The following SH3TC2 variants were observed in gnomAD, a reference collection of about 807,000 sequenced individuals.
The protein encoded by SH3TC2 is SH3 domain and tetratricopeptide repeat-containing protein 2.
A neutral mutation model predicts 124.5 loss-of-function variants in SH3TC2; 87 were observed. The ratio of observed to expected loss-of-function variants is 0.70; its 90% CI spans 0.59 to 0.84. SH3TC2 has a LOEUF of 0.84. Among genes scored for constraint, SH3TC2 ranks in the 40% least tolerant of loss-of-function variants. The pLI, the probability that SH3TC2 is intolerant of heterozygous loss-of-function variation, is 0.00. For synonymous variants in SH3TC2, 634 were observed against 628.5 expected (o/e 1.01, Z -0.13); for missense variants, 1,536 against 1,566.4 (o/e 0.98, Z 0.33).
In SH3TC2 at chr5:149,048,003, G is replaced by C. The variant is rs1019701436; in HGVS notation, c.152-14C>G. On this transcript the variant is annotated splice_polypyrimidine_tract_variant and intron_variant, in intron 2 of 16. Coordinates refer to ENST00000515425, the MANE Select transcript of SH3TC2 (RefSeq NM_024577.4). Reference sequence around the variant, plus strand: ...AGAGTGTCAGGTCTTAAAGAGAACAGAGAGAGAAGGATCAGGCTGAAAATA... The same window carrying C: ...AGAGTGTCAGGTCTTAAAGAGAACACAGAGAGAAGGATCAGGCTGAAAATA... 5.0e-6 allele frequency: 8 copies of C among 1,613,702 alleles called. No homozygotes were observed. The Admixed American group carries it at 5.0e-5, about 10-fold the overall frequency.
rs144778701 is a variant in SH3TC2 at position 148,988,573 on chromosome 5, C to T, written c.*16138G>A. 1.8e-4 allele frequency among the ~76,000 whole-genome samples: 28 copies of T among 152,164 alleles called. No homozygotes were observed. The highest frequency in any genetic ancestry group is 5.6e-4 in the African/African-American group (23 of 41,438). On this transcript the variant is annotated 3_prime_UTR_variant, in exon 17 of 17. Transcript: ENST00000515425. ...AGCCACATGGAGTCGACATGGCTCA[C>T]GGCTCCAGTTGATCACAGCCCCAGC...
rs541067396 is a variant in SH3TC2, at chr5:148,995,907, C to T, written c.*8804G>A. Among the ~76,000 whole-genome samples the T allele has an allele frequency of 6.6e-6, 1 of 151,912 alleles. No homozygotes were observed. The highest frequency in any genetic ancestry group is 1.5e-5 in the Non-Finnish European group (1 of 67,980). On this transcript the variant is annotated 3_prime_UTR_variant, in exon 17 of 17. Transcript: ENST00000515425. The stretch of plus-strand genomic sequence containing the variant: ...GGAAAAGTACAGGGACAAATGAGCA[C>T]AAGCAAAAGGGAGATGCTAAGGACA...
At chr5:149,043,529 G>A (rs763849696) in intron 4 of SH3TC2, 1 of 153,078 alleles carries the variant, frequency 6.5e-6, no homozygotes, top group African/African-American at 2.4e-5. Context: ...TGCTGATCTA[G>A]GCCTTATGTA....
chr5:149,025,390 C>G (rs953271237), intron 12 of SH3TC2, among the ~76,000 whole-genome samples: 35 of 152,292 alleles, frequency 2.3e-4, no homozygotes, highest in African/African-American at 7.7e-4. Context: ...CAGGTGCACA[C>G]AGTTACCATG....
At position 149,028,408 on chromosome 5, in the gene SH3TC2, G is replaced by A. The variant is rs192739202; in HGVS notation, c.1324C>T (p.Pro442Ser). 2 of 1,613,954 alleles carry A rather than the reference G, an allele frequency of 1.2e-6. No homozygotes were observed. The highest frequency in any genetic ancestry group is 4.5e-5 in the East Asian group (2 of 44,862). Reference sequence around the variant, plus strand: ...GGGTCATCAAGGTCATCAGGCTCCGGCAGGCGATAGCTGTCTGAGGTGGCC... The same window carrying A: ...GGGTCATCAAGGTCATCAGGCTCCGACAGGCGATAGCTGTCTGAGGTGGCC... ...LSATSDSYRL[P>S]EPDDLDDPEL... The change falls in exon 11 of 17, where the codon CCG (proline) becomes TCG (serine). Residue 442 changes from proline to serine, a missense_variant. Pro to Ser is a moderately conservative substitution (Grantham distance 74). Around this residue, in one of 3 missense-constraint regions of SH3TC2, gnomAD observed 1,102 missense variants for 1,098.6 expected, o/e 1.00. Transcript: ENST00000515425.
chr5:149,044,308 T>G, intron 4 of SH3TC2: 1 of 491,120 alleles, frequency 2.0e-6, no homozygotes, highest in South Asian at 2.1e-5. Flanking sequence ...AAGATCTCCC[T>G]GGACACAAAA....
chr5:149,042,981 A>C, intron 4 of SH3TC2, 144 bp from the exon 5 acceptor site: 1 of 902,064 alleles, frequency 1.1e-6, no homozygotes, highest in Non-Finnish European at 1.8e-6. Flanking sequence ...AAAACAACAT[A>C]AGAGGCAAAG....
At position 149,028,421 on chromosome 5, in the gene SH3TC2, G is replaced by C. The variant is rs749587305; in HGVS notation, c.1311C>G (p.Asp437Glu). The change falls in exon 11 of 17, where the codon GAC becomes GAG. Residue 437 changes from aspartate to glutamate, a missense_variant. Physicochemically the swap from Asp to Glu is conservative, Grantham distance 45. Transcript: ENST00000515425. ...LEEELLSATS[D>E]SYRLPEPDDL... ...CATCAGGCTCCGGCAGGCGATAGCT[G>C]TCTGAGGTGGCCGAGAGGAGCTCCT... is the stretch of plus-strand genomic sequence containing the variant. 1.1e-5 allele frequency: 18 copies of C among 1,613,706 alleles called. No individual in the cohort carries two copies. Among genetic ancestry groups the C allele is most frequent in the Non-Finnish European group, 1.4e-5 (17 of 1,179,808 alleles).
Position 148,991,491 on chromosome 5 carries a change from G to C in SH3TC2, c.*13220C>G, listed in dbSNP as rs893538035. On this transcript the variant is annotated 3_prime_UTR_variant, in exon 17 of 17. Transcript: ENST00000515425. ...ACCCAGGAGTCTTTGGAAGTTTCTT[G>C]AGTGGGCTTCCACCTTAGCTTTTGC... Among the ~76,000 whole-genome samples, 1 of 152,198 alleles carries C rather than the reference G, an allele frequency of 6.6e-6. No homozygotes were observed. Among genetic ancestry groups the C allele is most frequent in the Non-Finnish European group, 1.5e-5 (1 of 68,028 alleles).
Position 149,044,357 on chromosome 5 carries a change from A to G in SH3TC2, c.385+176T>C. ...CATACGGCATTTTAGAATAATAGTTAATATTTGCCTTAGATTTAGTTTGAG... is the reference window on the plus strand; with the variant it reads ...CATACGGCATTTTAGAATAATAGTTGATATTTGCCTTAGATTTAGTTTGAG... On this transcript the variant is annotated intron_variant, in intron 4 of 16. Transcript: ENST00000515425. 8.5e-6 allele frequency: 5 copies of G among 590,018 alleles called. No homozygotes were observed. In the South Asian group the frequency reaches 9.8e-5, roughly 12 times the overall value. The allele number at this position is 590,018 out of a possible 1,614,324, so 36.5% of individuals were successfully genotyped here.
intron 8 of SH3TC2, among the ~76,000 whole-genome samples, chr5:149,033,906 T>C (rs929269447): frequency 6.6e-6 from 1 of 152,180 alleles, no homozygotes; most frequent in Non-Finnish European, 1.5e-5. Flanking sequence ...TTTTCTTCAG[T>C]CCAGGATCCA....
chr5:149,034,470 C>A, intron 8 of SH3TC2: 1 of 405,424 alleles, frequency 2.5e-6, no homozygotes, highest in African/African-American at 2.1e-5. Context: ...TGAAAATTTT[C>A]CAGAATTGAA....
In SH3TC2 at chr5:149,044,642, C is replaced by T. The variant is rs747321591; in HGVS notation, c.280-4G>A. On this transcript the variant is annotated splice_polypyrimidine_tract_variant and splice_region_variant and intron_variant, in intron 3 of 16. Coordinates refer to ENST00000515425, the MANE Select transcript of SH3TC2 (RefSeq NM_024577.4). ...TGACCAACCTTGCTGAGAGGTCCTA[C>T]GTAAAGGAAACAATGAGTCAGCCTG... is the stretch of plus-strand genomic sequence containing the variant. 38 of 1,611,828 alleles carry T rather than the reference C, an allele frequency of 2.4e-5. No individual in the cohort carries two copies. The highest frequency in any genetic ancestry group is 1.5e-4 in the South Asian group (14 of 91,016).
Position 149,010,271 on chromosome 5 carries a change from C to T in SH3TC2, c.3326G>A (p.Arg1109Gln), listed in dbSNP as rs80338935. The T allele has an allele frequency of 3.1e-6, 5 of 1,614,182 alleles. No homozygotes were observed. Among genetic ancestry groups the T allele is most frequent in the East Asian group, 2.2e-5 (1 of 44,888 alleles). Residue 1109 changes from arginine (R) to glutamine (Q), a missense_variant and splice_region_variant, in exon 14 of 17, where the codon CGA (arginine) becomes CAA (glutamine). Arg to Gln is a conservative substitution (Grantham distance 43). Coordinates refer to ENST00000515425, the MANE Select transcript of SH3TC2 (RefSeq NM_024577.4). ...GCAAACTGCACAGCTTGGACTTACT[C>T]GGTAGTACTCCACTGCATGATGCCT... is the stretch of plus-strand genomic sequence containing the variant. ...RHRHHAVEYY[R>Q]AGAVPLARRL...
intron 6 of SH3TC2, among the ~76,000 whole-genome samples, 196 bp downstream of exon 6, chr5:149,041,220 G>A (rs947393089): frequency 1.3e-5 from 2 of 152,136 alleles, no homozygotes; most frequent in Admixed American, 6.5e-5. Flanking sequence ...ATTTAGAGTT[G>A]TCTCCAATTT....
chr5:149,059,435 G>GCT (rs1322032265), intron 1 of SH3TC2, among the ~76,000 whole-genome samples: 1 of 151,536 alleles, frequency 6.6e-6, no homozygotes, highest in African/African-American at 2.4e-5. Context: ...CCACCACCAT[G>GCT]CTCAACTTTA....
At position 149,005,917 on chromosome 5, in the gene SH3TC2, G is replaced by C. The variant is rs142781876; in HGVS notation, c.3675+964C>G. Among the ~76,000 whole-genome samples the C allele has an allele frequency of 4.6e-5, 7 of 152,164 alleles. No homozygotes were observed. The East Asian group carries it at 1.4e-3, about 29-fold the overall frequency. On this transcript the variant is annotated intron_variant, in intron 16 of 16. Coordinates refer to ENST00000515425, the MANE Select transcript of SH3TC2 (RefSeq NM_024577.4). ...CCTAGGGACACAGTTTGGGGGTCAG[G>C]GTTGTAACAGAGATTTGCAACCAAC...
At chr5:149,052,450 G>A (rs564161970) in intron 1 of SH3TC2, among the ~76,000 whole-genome samples, 2 of 152,170 alleles carry the variant, frequency 1.3e-5, no homozygotes, top group Non-Finnish European at 2.9e-5. Flanking sequence ...AGCAGCCTGG[G>A]TATGCCCATC....
In SH3TC2 at chr5:148,996,894, A is replaced by G. The variant is rs762193660; in HGVS notation, c.*7817T>C. Among the ~76,000 whole-genome samples the G allele has an allele frequency of 6.6e-6, 1 of 152,212 alleles. No homozygotes were observed. The highest frequency in any genetic ancestry group is 1.5e-5 in the Non-Finnish European group (1 of 68,038). ...GGTATCTATTTTCAAAATCCTTTTC[A>G]TAGATAACAGTAAAATGTGTGACCC... On this transcript the variant is annotated 3_prime_UTR_variant, in exon 17 of 17. Transcript: ENST00000515425.
Sources: gnomAD v4.1 joint callset for allele counts (sites outside exome capture counted in the v4.1 genomes callset) on GRCh38, gnomAD v4.1.1 for gene constraint, gnomAD v4.1.1 regional missense constraint, MANE v1.5 for transcripts, NCBI Gene and HGNC (gene_info 2026-07-23, HGNC 2026-07-21) for gene names.